Variants in PTPRG observed in about 807,000 individuals in gnomAD.
PTPRG encodes protein tyrosine phosphatase receptor type G.
Under a neutral mutation model 165.3 loss-of-function variants are expected in PTPRG, and 102 were observed. The observed-to-expected ratio is 0.62, with a 90% CI of 0.53 to 0.73. PTPRG has a LOEUF of 0.73. Among genes scored for constraint, PTPRG ranks in the 30% least tolerant of loss-of-function variants. The pLI is 0.00. For missense variants in PTPRG, 1,866 were observed against 1,861.4 expected, an observed-to-expected ratio of 1.00 and a Z score of -0.05; for synonymous variants, 675 against 669.5, an observed-to-expected ratio of 1.01 and a Z score of -0.13.
intron 2 of PTPRG, among the ~76,000 whole-genome samples, chr3:61,817,157 T>G (rs1221819799): frequency 8.4e-6 from 1 of 119,088 alleles, no homozygotes; most frequent in Non-Finnish European, 1.6e-5. Context: ...ATATATATAA[T>G]ATATAATATA....
intron 1 of PTPRG, among the ~76,000 whole-genome samples, chr3:61,713,071 A>AT (rs1491568995): frequency 4.6e-5 from 7 of 150,846 alleles, no homozygotes; most frequent in Non-Finnish European, 1.0e-4. Context: ...TGTTTTATTC[A>AT]TTTTTTCCTA....
At chr3:61,825,563 T>C (rs1298796498) in intron 2 of PTPRG, among the ~76,000 whole-genome samples, 1 of 152,200 alleles carries the variant, frequency 6.6e-6, no homozygotes, top group East Asian at 1.9e-4. Flanking sequence ...GAGGCATTAT[T>C]GTATGGTAGT....
At chr3:61,849,259 T>C (rs948286956) in intron 2 of PTPRG, among the ~76,000 whole-genome samples, 1 of 152,208 alleles carries the variant, frequency 6.6e-6, no homozygotes, top group African/African-American at 2.4e-5. Flanking sequence ...CATAAAACCA[T>C]GGCCACAATT....
At chr3:62,160,230 G>A (rs1041293560) in intron 7 of PTPRG, among the ~76,000 whole-genome samples, 2 of 152,184 alleles carry the variant, frequency 1.3e-5, no homozygotes, top group African/African-American at 4.8e-5. Flanking sequence ...GTATGATGTG[G>A]ATTTCTTTGA....
intron 2 of PTPRG, among the ~76,000 whole-genome samples, chr3:61,903,090 G>A: frequency 6.6e-6 from 1 of 152,110 alleles, no homozygotes; most frequent in East Asian, 1.9e-4. Flanking sequence ...CTCTGTCTAA[G>A]CTGATGGCAT....
chr3:61,905,238 A>G (rs1292004765), intron 2 of PTPRG, among the ~76,000 whole-genome samples: 1 of 152,206 alleles, frequency 6.6e-6, no homozygotes, highest in Admixed American at 6.5e-5. Flanking sequence ...TTCAGTGGGT[A>G]AACTGAGGTT....
intron 2 of PTPRG, among the ~76,000 whole-genome samples, chr3:61,949,043 G>GAAAAAAAAAAAAAAGCAAAA (rs2039833406): frequency 7.8e-6 from 1 of 128,644 alleles, no homozygotes; most frequent in Admixed American, 7.9e-5. Flanking sequence ...GACAAGCCAA[G>GAAAAAAAAAAAAAAGCAAAA]AAAAAAAAAA....
At chr3:61,941,329 A>C (rs74610874) in intron 2 of PTPRG, among the ~76,000 whole-genome samples, 2,457 of 152,360 alleles carry the variant, frequency 0.016, 38 homozygotes, top group Middle Eastern at 0.037. Context: ...ATCAGTTAAG[A>C]GGTCAGTGAT....
At chr3:61,828,809 T>C (rs1414430846) in intron 2 of PTPRG, among the ~76,000 whole-genome samples, 1 of 152,212 alleles carries the variant, frequency 6.6e-6, no homozygotes, top group Non-Finnish European at 1.5e-5. Context: ...AGGGATTATG[T>C]GAAAAGAGGT....
At chr3:61,641,612 A>G (rs917365602) in intron 1 of PTPRG, among the ~76,000 whole-genome samples, 39 of 152,092 alleles carry the variant, frequency 2.6e-4, no homozygotes, top group African/African-American at 8.5e-4. Context: ...GTTTTGTCCC[A>G]CTACAGATGG....
chr3:62,047,458 C>T (rs1409442932), intron 4 of PTPRG, among the ~76,000 whole-genome samples: 4 of 151,918 alleles, frequency 2.6e-5, no homozygotes, highest in East Asian at 1.9e-4. Flanking sequence ...GATGGGGTTT[C>T]GCCATGTTGG....
chr3:62,017,447 G>T (rs545753654), intron 4 of PTPRG, among the ~76,000 whole-genome samples: 2 of 149,562 alleles, frequency 1.3e-5, no homozygotes, highest in African/African-American at 4.9e-5. Flanking sequence ...GCGGAGTCTC[G>T]CTCTTTCGCC....
intron 4 of PTPRG, among the ~76,000 whole-genome samples, chr3:62,036,983 G>GCACACACACACACACACACA (rs10587372): frequency 8.6e-5 from 13 of 150,454 alleles, no homozygotes; most frequent in African/African-American, 3.2e-4. Context: ...GCGCGCGCAC[G>GCACACACACACACACACACA]CACACACACA....
chr3:61,899,565 CTGT>C (rs1238369262), intron 2 of PTPRG, among the ~76,000 whole-genome samples: 1 of 152,112 alleles, frequency 6.6e-6, no homozygotes, highest in Non-Finnish European at 1.5e-5. Flanking sequence ...ACATTGCTCT[CTGT>C]TGTTGTGCTG....
At chr3:61,984,126 G>A (rs936012552) in intron 2 of PTPRG, among the ~76,000 whole-genome samples, 1 of 152,086 alleles carries the variant, frequency 6.6e-6, no homozygotes, top group African/African-American at 2.4e-5. Flanking sequence ...CCCTACTGTG[G>A]AAATATGTCT....
chr3:61,995,682 G>GCCCGCCTGCCTT (rs1456708235), intron 3 of PTPRG, among the ~76,000 whole-genome samples: 7 of 72,720 alleles, frequency 9.6e-5, no homozygotes, highest in Non-Finnish European at 1.7e-4. Flanking sequence ...CTGCCCGCCC[G>GCCCGCCTGCCTT]CCTTCCTTCC....
chr3:61,673,161 C>G (rs184215564), intron 1 of PTPRG, among the ~76,000 whole-genome samples: 109 of 152,162 alleles, frequency 7.2e-4, no homozygotes, highest in African/African-American at 2.5e-3. Context: ...TACTCTGTCT[C>G]AAAATAAAAT....
intron 2 of PTPRG, among the ~76,000 whole-genome samples, chr3:61,862,741 C>G (rs190665300): frequency 1.2e-4 from 18 of 152,248 alleles, no homozygotes; most frequent in African/African-American, 4.3e-4. Flanking sequence ...TTCCCTTTCA[C>G]TCTTCTGGAC....
intron 1 of PTPRG, among the ~76,000 whole-genome samples, chr3:61,694,325 C>A (rs1194333451): frequency 6.6e-6 from 1 of 152,112 alleles, no homozygotes; most frequent in Non-Finnish European, 1.5e-5. Context: ...TTTAAAAAGT[C>A]CCTTACATAG....
Sources: gnomAD v4.1 joint callset for allele counts (sites outside exome capture counted in the v4.1 genomes callset) on GRCh38, gnomAD v4.1.1 for gene constraint, MANE v1.5 for transcripts, NCBI Gene and HGNC (gene_info 2026-07-23, HGNC 2026-07-21) for gene names.